Variants in SEC24B observed in about 807,000 individuals in gnomAD.
SEC24B encodes SEC24 homolog B, COPII component, also known as protein transport protein Sec24B.
A neutral mutation model predicts 142.8 loss-of-function variants in SEC24B; 45 were observed. The ratio of observed to expected loss-of-function variants is 0.32; its 90% CI spans 0.25 to 0.40. The LOEUF is 0.40. SEC24B is among the 10% of genes least tolerant of loss of function. The probability of loss-of-function intolerance (pLI) is 1.00; values close to 1 mark genes in which losing one functional copy is unlikely to be tolerated. For synonymous variants in SEC24B, 574 were observed against 568.2 expected, an observed-to-expected ratio of 1.01 and a Z score of -0.15; for missense variants, 1,409 against 1,526.8, an observed-to-expected ratio of 0.92 and a Z score of 1.29.
At chr4:109,483,003 C>CACACACACACACACAT (rs1408633373) in intron 4 of SEC24B, among the ~76,000 whole-genome samples, 3 of 84,078 alleles carry the variant, frequency 3.6e-5, no homozygotes, top group African/African-American at 2.5e-4. Context: ...CACACACACA[C>CACACACACACACACAT]ATATTATACA....
chr4:109,532,875 A>G (rs1224171908), intron 21 of SEC24B, 132 bp downstream of exon 21: 4 of 571,324 alleles, frequency 7.0e-6, no homozygotes, highest in Non-Finnish European at 9.4e-6. Context: ...GAAATTGGTA[A>G]CTAGCACTGG....
At chr4:109,519,104 T>C (rs2126067058) in intron 11 of SEC24B, among the ~76,000 whole-genome samples, 1 of 152,222 alleles carries the variant, frequency 6.6e-6, no homozygotes, top group East Asian at 1.9e-4. Context: ...CTGGCTTGTT[T>C]TTGTCTTTAA....
intron 1 of SEC24B, among the ~76,000 whole-genome samples, chr4:109,451,895 G>A (rs1730132254): frequency 6.6e-6 from 1 of 152,082 alleles, no homozygotes; most frequent in Non-Finnish European, 1.5e-5. Context: ...AGACTGATCT[G>A]TCACAGTCTG....
intron 2 of SEC24B, among the ~76,000 whole-genome samples, 159 bp downstream of exon 2, chr4:109,463,803 C>G (rs1253770375): frequency 6.6e-6 from 1 of 152,174 alleles, no homozygotes; most frequent in Non-Finnish European, 1.5e-5. Context: ...TGAACCCTTT[C>G]TTCTCATCCA....
At chr4:109,530,556 C>A in intron 19 of SEC24B, 92 bp downstream of exon 19, 1 of 1,013,170 alleles carries the variant, frequency 9.9e-7, no homozygotes, top group Non-Finnish European at 1.4e-6. Context: ...TTTTCTAATA[C>A]TTAACTAGAG....
chr4:109,508,293 A>G (rs926764719), intron 7 of SEC24B, among the ~76,000 whole-genome samples: 2 of 152,176 alleles, frequency 1.3e-5, no homozygotes, highest in African/African-American at 4.8e-5. Context: ...GGCCATGCAT[A>G]GTAGCTCACG....
intron 22 of SEC24B, among the ~76,000 whole-genome samples, chr4:109,534,779 G>C (rs1304098952): frequency 6.6e-6 from 1 of 152,014 alleles, no homozygotes; most frequent in Non-Finnish European, 1.5e-5. Context: ...TCTATAAAAA[G>C]TTCTCTTACC....
chr4:109,463,245 A>G lies in SEC24B; in HGVS notation c.478A>G (p.Asn160Asp), dbSNP rs1731488410. 1.2e-6 allele frequency: 2 copies of G among 1,614,138 alleles called. No homozygotes were observed. Among genetic ancestry groups the G allele is most frequent in the Non-Finnish European group, 1.7e-6 (2 of 1,180,022 alleles). The change falls in exon 2 of 24, where the codon AAT (asparagine) becomes GAT (aspartate). Residue 160 changes from asparagine to aspartate, a missense_variant. By Grantham distance (23) the Asn-to-Asp change is conservative (BLOSUM62 1). Coordinates refer to ENST00000265175, the MANE Select transcript of SEC24B (RefSeq NM_006323.5). Reference protein sequence around the residue: ...QPYSSFVNHYNSPAMYSASSS... With the variant: ...QPYSSFVNHYDSPAMYSASSS... Reference sequence around the variant, plus strand: ...ATACTCCTCTTTTGTGAATCACTACAATAGTCCAGCCATGTACTCTGCCAG... The same window carrying G: ...ATACTCCTCTTTTGTGAATCACTACGATAGTCCAGCCATGTACTCTGCCAG...
At chr4:109,533,803 A>C (rs1725192220) in intron 22 of SEC24B, 118 bp downstream of exon 22, 4 of 709,114 alleles carry the variant, frequency 5.6e-6, no homozygotes, top group Non-Finnish European at 9.8e-6. Flanking sequence ...GGTATTACAC[A>C]GTGTTTTACA....
At chr4:109,485,028 G>A (rs931504327) in intron 4 of SEC24B, among the ~76,000 whole-genome samples, 4 of 152,128 alleles carry the variant, frequency 2.6e-5, no homozygotes, top group African/African-American at 9.7e-5. Flanking sequence ...TACAGAGCTA[G>A]TATGTCTCCC....
intron 21 of SEC24B, 148 bp downstream of exon 21, chr4:109,532,891 A>G (rs1438964119): frequency 3.6e-6 from 2 of 554,694 alleles, no homozygotes; most frequent in Non-Finnish European, 6.5e-6. Context: ...ACTGGAGGTC[A>G]ATTTACTTTA....
chr4:109,498,235 T>C (rs1735728621), intron 6 of SEC24B, among the ~76,000 whole-genome samples: 1 of 152,220 alleles, frequency 6.6e-6, no homozygotes, highest in Admixed American at 6.5e-5. Context: ...ACTACTGTTT[T>C]AGGGTCAGTG....
At chr4:109,511,795 A>G (rs902197384) in intron 8 of SEC24B, among the ~76,000 whole-genome samples, 162 bp from the exon 9 acceptor site, 12 of 152,230 alleles carry the variant, frequency 7.9e-5, no homozygotes, top group Non-Finnish European at 1.8e-4. Flanking sequence ...TGATGGCTAC[A>G]TGTGTTGCTC....
Position 109,527,780 on chromosome 4 carries a change from CA to C in SEC24B, c.3076+359del, listed in dbSNP as rs34929126. ...TGGGCAACAGAGTGAGACTCTGTCT[CA>C]AAAAAAAAAAGAAAGAAAGAAACTG... On this transcript the variant is annotated intron_variant, in intron 18 of 23. Coordinates refer to ENST00000265175, the MANE Select transcript of SEC24B (RefSeq NM_006323.5). Among the ~76,000 whole-genome samples, 64 of 136,822 alleles carry C rather than the reference CA, an allele frequency of 4.7e-4. 1 individual carries two copies. The highest frequency in any genetic ancestry group is 2.8e-3 in the South Asian group (12 of 4,360). 89.8% of individuals were successfully genotyped at this position (136,822 alleles called of 152,430 possible).
intron 1 of SEC24B, among the ~76,000 whole-genome samples, chr4:109,448,249 A>AT (rs555139758): frequency 1.2e-3 from 171 of 148,404 alleles, no homozygotes; most frequent in East Asian, 3.3e-3. Context: ...AATAATTTGA[A>AT]TTTTTTTTTT....
intron 1 of SEC24B, among the ~76,000 whole-genome samples, chr4:109,458,229 AT>A (rs969861933): frequency 1.3e-5 from 2 of 151,918 alleles, no homozygotes; most frequent in Non-Finnish European, 2.9e-5. Context: ...TATTTTGAAT[AT>A]TTTTTAAATA....
Position 109,472,990 on chromosome 4 carries a change from TTTC to T in SEC24B, c.878-9_878-7del, listed in dbSNP as rs763882720. On this transcript the variant is annotated splice_polypyrimidine_tract_variant and intron_variant, in intron 2 of 23. Transcript: ENST00000265175. ...TTTCAAGTTTCTGTGGATGAAATAG[TTTC>T]TTCTCTTCAGTTGCAGATTCTTTAT... 8.8e-6 allele frequency: 13 copies of T among 1,474,832 alleles called. No homozygotes were observed. In the East Asian group the frequency reaches 3.2e-4, roughly 36 times the overall value. 91.4% of individuals were successfully genotyped at this position (1,474,832 alleles called of 1,614,324 possible).
intron 23 of SEC24B, among the ~76,000 whole-genome samples, chr4:109,538,860 C>T (rs1725851094): frequency 6.6e-6 from 1 of 152,182 alleles, no homozygotes; most frequent in African/African-American, 2.4e-5. Flanking sequence ...TCACAGTTCA[C>T]TGCAGCCTGG....
intron 4 of SEC24B, among the ~76,000 whole-genome samples, chr4:109,482,169 A>C (rs1354613702): frequency 6.6e-6 from 1 of 152,208 alleles, no homozygotes; most frequent in Non-Finnish European, 1.5e-5. Context: ...AGTCTAATCA[A>C]AATAAGCCAT....
Sources: gnomAD v4.1 joint callset for allele counts (sites outside exome capture counted in the v4.1 genomes callset) on GRCh38, gnomAD v4.1.1 for gene constraint, MANE v1.5 for transcripts, NCBI Gene and HGNC (gene_info 2026-07-23, HGNC 2026-07-21) for gene names.